Variants in C4orf51 observed in about 807,000 individuals in gnomAD.
The protein encoded by C4orf51 is chromosome 4 open reading frame 51.
A neutral mutation model predicts 25.2 loss-of-function variants in C4orf51; 25 were observed. The observed-to-expected ratio is 0.99, with a 90% CI of 0.72 to 1.39. The LOEUF (loss-of-function observed/expected upper bound fraction) is 1.39. Ranked by LOEUF, C4orf51 falls within the 40% of genes most tolerant of loss-of-function variation. The pLI, the probability that C4orf51 is intolerant of heterozygous loss-of-function variation, is 0.00. For missense variants in C4orf51, 252 were observed against 239.6 expected, an observed-to-expected ratio of 1.05 and a Z score of -0.34; for synonymous variants, 100 against 84.5, an observed-to-expected ratio of 1.18 and a Z score of -1.01.
chr4:145,738,188 G>A (rs568179994), intron 1 of C4orf51, among the ~76,000 whole-genome samples: 49 of 152,258 alleles, frequency 3.2e-4, no homozygotes, highest in South Asian at 1.7e-3. Flanking sequence ...AGTGGCTCAC[G>A]CCTGTAATCC....
downstream of C4orf51, among the ~76,000 whole-genome samples, chr4:145,734,934 A>G (rs529870364): frequency 6.3e-4 from 96 of 152,304 alleles, no homozygotes; most frequent in African/African-American, 2.2e-3. Flanking sequence ...TTTTCTCCTT[A>G]GAGCCGGTTC....
chr4:145,709,601 T>C (rs1731023497), intron 2 of C4orf51, among the ~76,000 whole-genome samples: 1 of 152,246 alleles, frequency 6.6e-6, no homozygotes, highest in Non-Finnish European at 1.5e-5. Flanking sequence ...GAGGTGGACT[T>C]GCCCCTGAGG....
At chr4:145,756,750 C>T (rs929707194), downstream of C4orf51, among the ~76,000 whole-genome samples, 3 of 152,044 alleles carry the variant, frequency 2.0e-5, no homozygotes, top group Non-Finnish European at 4.4e-5. Flanking sequence ...ATCAAATTAA[C>T]GTATTTGACT....
At chr4:145,730,327 T>C (rs1043549603) in intron 5 of C4orf51, among the ~76,000 whole-genome samples, 1 of 152,152 alleles carries the variant, frequency 6.6e-6, no homozygotes, top group African/African-American at 2.4e-5. Context: ...CTGCCGCATA[T>C]CCACCCTGGT....
intron 1 of C4orf51, among the ~76,000 whole-genome samples, chr4:145,742,188 G>C (rs1733137446): frequency 6.6e-6 from 1 of 152,178 alleles, no homozygotes; most frequent in Non-Finnish European, 1.5e-5. Context: ...ATGAGATTCA[G>C]CCTCACTCTA....
intron 2 of C4orf51, among the ~76,000 whole-genome samples, chr4:145,705,200 T>G (rs949954772): frequency 1.3e-5 from 2 of 152,212 alleles, no homozygotes; most frequent in Admixed American, 1.3e-4. Flanking sequence ...TTTTGCCTCT[T>G]AATGTGCAAG....
At chr4:145,775,930 GGGCACAAGT>G, downstream of C4orf51, 1 of 1,614,174 alleles carries the variant, frequency 6.2e-7, no homozygotes, top group Non-Finnish European at 8.5e-7. Context: ...AGCAGCATAG[GGGCACAAGT>G]GGCATTTGTA....
chr4:145,741,994 C>G (rs1037355900), intron 1 of C4orf51, among the ~76,000 whole-genome samples: 4 of 152,182 alleles, frequency 2.6e-5, no homozygotes, highest in Non-Finnish European at 5.9e-5. Flanking sequence ...AGCCACCATG[C>G]CTGGCTGCAT....
At chr4:145,752,614 G>A (rs76606557) in intron 1 of C4orf51, among the ~76,000 whole-genome samples, 4,492 of 152,268 alleles carry the variant, frequency 0.03, 209 homozygotes, top group African/African-American at 0.1. Context: ...GCCTGGGGTT[G>A]GTGGAGGGTT....
intron 2 of C4orf51, among the ~76,000 whole-genome samples, chr4:145,707,202 G>T (rs932088004): frequency 1.3e-5 from 2 of 152,166 alleles, no homozygotes; most frequent in African/African-American, 4.8e-5. Context: ...GCCTCCCAAA[G>T]TGTTGGGATT....
chr4:145,688,615 T>A lies in C4orf51; in HGVS notation c.234-7944T>A, dbSNP rs144252261. Among the ~76,000 whole-genome samples the A allele has an allele frequency of 8.5e-3, 1,298 of 152,314 alleles. 7 individuals are homozygous for A. The highest frequency in any genetic ancestry group is 0.012 in the Non-Finnish European group (825 of 68,034). On this transcript the variant is annotated intron_variant, in intron 1 of 5. Coordinates refer to ENST00000438731, the MANE Select transcript of C4orf51 (RefSeq NM_001080531.3). ...GCTTCCCCTTTGTCTTCTGCCATGATTGTAAGTTTCCTGAGGCCTCTCCAG... is the reference window on the plus strand; with the variant it reads ...GCTTCCCCTTTGTCTTCTGCCATGAATGTAAGTTTCCTGAGGCCTCTCCAG...
the C4orf51 span, among the ~76,000 whole-genome samples, chr4:145,787,602 A>C: frequency 6.6e-6 from 1 of 152,160 alleles, no homozygotes; most frequent in East Asian, 1.9e-4. Flanking sequence ...ATGCTTAACA[A>C]ACTTAGTAAA....
In C4orf51 at chr4:145,765,595, T is replaced by G; in HGVS notation, n.167-5393T>G. On this transcript the variant is annotated intron_variant and non_coding_transcript_variant, in intron 1 of 1. Coordinates refer to the C4orf51 transcript ENST00000510096. This position sits in a 1 kb window ranked among gnomAD's most constrained non-coding sequence, Gnocchi z 4.7. ...TTCAGTGAGGGCTGGCTCCCAGGCA[T>G]GACAGAGATGACCAGCAGATTGTTC... 1 of 1,614,096 alleles carries G rather than the reference T, an allele frequency of 6.2e-7. No individual in the cohort carries two copies. The highest frequency in any genetic ancestry group is 1.1e-5 in the South Asian group (1 of 91,066).
intron 1 of C4orf51, among the ~76,000 whole-genome samples, chr4:145,693,536 T>G (rs1433719679): frequency 3.3e-5 from 5 of 151,888 alleles, no homozygotes; most frequent in South Asian, 2.1e-4. Flanking sequence ...CCGTTCTCAA[T>G]GAGCTGTTGG....
At chr4:145,781,583 T>C in the C4orf51 span, among the ~76,000 whole-genome samples, 2 of 151,996 alleles carry the variant, frequency 1.3e-5, no homozygotes, top group African/African-American at 4.8e-5. Context: ...CTTATTAAAG[T>C]AGAAATGTGT....
the C4orf51 span, among the ~76,000 whole-genome samples, chr4:145,780,993 G>A: frequency 2.6e-5 from 4 of 152,022 alleles, no homozygotes; most frequent in South Asian, 6.2e-4. Flanking sequence ...TCAGAAGATC[G>A]AGACCATCCT....
chr4:145,690,652 G>A (rs1161313801), intron 1 of C4orf51, among the ~76,000 whole-genome samples: 1 of 152,096 alleles, frequency 6.6e-6, no homozygotes, highest in Non-Finnish European at 1.5e-5. Context: ...TTAAACCACA[G>A]AGCTTCTGCA....
At chr4:145,755,273 G>A (rs531302257), downstream of C4orf51, among the ~76,000 whole-genome samples, 15 of 152,254 alleles carry the variant, frequency 9.9e-5, 1 homozygote, top group South Asian at 2.5e-3. Context: ...TCTGAGCCAG[G>A]TTTGTAACTC....
At chr4:145,743,662 C>T (rs1259006621) in intron 1 of C4orf51, among the ~76,000 whole-genome samples, 1 of 152,222 alleles carries the variant, frequency 6.6e-6, no homozygotes, top group Admixed American at 6.5e-5. Context: ...TCATGCCATT[C>T]GCCTCAAAAT....
Sources: allele counts gnomAD v4.1 joint callset (sites outside exome capture counted in the v4.1 genomes callset), GRCh38; gene constraint gnomAD v4.1.1; non-coding constraint Gnocchi (gnomAD v3.1); transcripts MANE v1.5; gene names NCBI Gene and HGNC (gene_info 2026-07-23, HGNC 2026-07-21).